FLT1: variants seen among roughly 807,000 people sequenced by gnomAD.
FLT1 encodes vascular endothelial growth factor receptor 1.
In FLT1, 49 loss-of-function variants were observed where a neutral mutation model predicts 156.3. That is an observed-to-expected ratio of 0.31 (90% CI 0.25 to 0.40). The LOEUF (loss-of-function observed/expected upper bound fraction) is 0.40. FLT1 is among the 10% of genes least tolerant of loss of function. FLT1 has a pLI of 1.00. For missense variants in FLT1, 1,322 were observed against 1,637.2 expected (o/e 0.81, Z 3.32); for synonymous variants, 594 against 583.8 (o/e 1.02, Z -0.25).
intron 10 of FLT1, among the ~76,000 whole-genome samples, chr13:28,413,115 TGGA>T (rs1361636547): frequency 1.3e-5 from 2 of 151,298 alleles, no homozygotes; most frequent in Non-Finnish European, 2.9e-5. Context: ...GAAGGGGGAG[TGGA>T]GAAGAGTTTC....
At chr13:28,339,793 G>A (rs1241445863) in intron 16 of FLT1, among the ~76,000 whole-genome samples, 1 of 152,110 alleles carries the variant, frequency 6.6e-6, no homozygotes, top group Non-Finnish European at 1.5e-5. Context: ...GGATCCCTGG[G>A]GCACTGAAAA....
intron 4 of FLT1, among the ~76,000 whole-genome samples, chr13:28,436,023 C>A (rs961868659): frequency 6.6e-6 from 1 of 152,238 alleles, no homozygotes; most frequent in Non-Finnish European, 1.5e-5. Context: ...TGACAGACGT[C>A]CTCAGTACAA....
At chr13:28,408,672 G>A (rs1280928259) in intron 10 of FLT1, among the ~76,000 whole-genome samples, 1 of 152,106 alleles carries the variant, frequency 6.6e-6, no homozygotes, top group Admixed American at 6.5e-5. Flanking sequence ...AGCAGCGTTC[G>A]CTCCTGATTT....
intron 13 of FLT1, chr13:28,387,437 G>A (rs1874427432): frequency 1.9e-6 from 2 of 1,057,176 alleles, no homozygotes; most frequent in Non-Finnish European, 2.3e-6. Flanking sequence ...CTTGATGGAA[G>A]TAGGTAGTGG....
Position 28,303,437 on chromosome 13 carries a change from T to C in FLT1, c.3816-69A>G. ...TTTAGAAAACAAAGACACTAAAATCTACTCTTTCTGAGTGGGTCATTTGTT... is the reference window on the plus strand; with the variant it reads ...TTTAGAAAACAAAGACACTAAAATCCACTCTTTCTGAGTGGGTCATTTGTT... On this transcript the variant is annotated intron_variant, in intron 29 of 29. Coordinates refer to ENST00000282397, the MANE Select transcript of FLT1 (RefSeq NM_002019.4). The C allele has an allele frequency of 2.9e-6, 4 of 1,359,352 alleles. No homozygotes were observed. In the South Asian group the frequency reaches 3.7e-5, roughly 12 times the overall value. The allele number at this position is 1,359,352 out of a possible 1,614,324, so 84.2% of individuals were successfully genotyped here.
At chr13:28,418,703 A>C (rs937243241) in intron 10 of FLT1, among the ~76,000 whole-genome samples, 11 of 152,138 alleles carry the variant, frequency 7.2e-5, no homozygotes, top group African/African-American at 2.7e-4. Context: ...AGCTGGAACC[A>C]TAGGCGCATG....
chr13:28,308,396 A>T (rs771917984), intron 28 of FLT1: 2 of 261,714 alleles, frequency 7.6e-6, no homozygotes, highest in Non-Finnish European at 7.5e-6. Context: ...GTAGGAACAC[A>T]GCTGTTCAAT....
chr13:28,494,911 G>A lies in FLT1; in HGVS notation c.-68C>T. The A allele has an allele frequency of 7.5e-7, 1 of 1,328,122 alleles. No individual in the cohort carries two copies. The highest frequency in any genetic ancestry group is 1.0e-6 in the Non-Finnish European group (1 of 983,272). 82.3% of individuals were successfully genotyped at this position (1,328,122 alleles called of 1,614,324 possible). A position where few individuals can be genotyped will look rare whatever the true frequency, so the allele number is the denominator to read the frequency against. ...CGCGGCCAACGACCCGGCCGCCAGA[G>A]TCCGTCCTCTCGTTCGCCGCCGCCG... On this transcript the variant is annotated 5_prime_UTR_variant, in exon 1 of 30. Coordinates refer to ENST00000282397, the MANE Select transcript of FLT1 (RefSeq NM_002019.4).
chr13:28,425,926 TAG>T (rs1877313771), intron 10 of FLT1, among the ~76,000 whole-genome samples: 1 of 152,170 alleles, frequency 6.6e-6, no homozygotes, highest in Non-Finnish European at 1.5e-5. Flanking sequence ...TTTCTATTCT[TAG>T]AAAATGACAG....
chr13:28,351,088 G>A (rs529992386), intron 15 of FLT1, among the ~76,000 whole-genome samples: 47 of 150,064 alleles, frequency 3.1e-4, no homozygotes, highest in Non-Finnish European at 1.5e-4. Context: ...CACATTGCAT[G>A]TATTATTTAA....
chr13:28,465,355 A>T (rs969023489), intron 3 of FLT1, among the ~76,000 whole-genome samples: 4 of 152,168 alleles, frequency 2.6e-5, no homozygotes, highest in Non-Finnish European at 4.4e-5. Flanking sequence ...CAAGCACAAA[A>T]TGTCAAAACA....
chr13:28,410,303 G>A (rs750920558), intron 10 of FLT1, among the ~76,000 whole-genome samples: 1 of 152,182 alleles, frequency 6.6e-6, no homozygotes, highest in Non-Finnish European at 1.5e-5. Context: ...CTGGGTGAGC[G>A]TTAGCTACTG....
intron 3 of FLT1, among the ~76,000 whole-genome samples, chr13:28,459,581 C>A (rs1043312767): frequency 1.6e-4 from 24 of 152,134 alleles, no homozygotes; most frequent in Non-Finnish European, 3.2e-4. Flanking sequence ...ATTAACCAAG[C>A]AATATTAGAT....
intron 13 of FLT1, chr13:28,388,754 A>G (rs1438082118): frequency 1.9e-6 from 2 of 1,059,396 alleles, no homozygotes; most frequent in Admixed American, 1.1e-4. Flanking sequence ...GAATGCATTA[A>G]ATCTCTGGTT....
chr13:28,416,877 G>C (rs1040920133), intron 10 of FLT1, among the ~76,000 whole-genome samples: 1 of 152,186 alleles, frequency 6.6e-6, no homozygotes, highest in Admixed American at 6.5e-5. Context: ...TTTCAATGAT[G>C]ATGACAAGGC....
At chr13:28,449,500 C>T (rs1266406290) in intron 3 of FLT1, among the ~76,000 whole-genome samples, 3 of 152,062 alleles carry the variant, frequency 2.0e-5, no homozygotes, top group Admixed American at 1.3e-4. Context: ...TAACAACTGT[C>T]GCCACTATTG....
chr13:28,308,065 C>A (rs1203546540), intron 28 of FLT1, among the ~76,000 whole-genome samples: 1 of 152,208 alleles, frequency 6.6e-6, no homozygotes, highest in Admixed American at 6.5e-5. Flanking sequence ...AGCCACTGCG[C>A]CCGGCCTCAC....
chr13:28,473,692 AG>A (rs1430072611), intron 1 of FLT1, among the ~76,000 whole-genome samples: 17 of 145,596 alleles, frequency 1.2e-4, no homozygotes, highest in South Asian at 2.2e-4. Flanking sequence ...AGAGAGAGAG[AG>A]AAAGAAAAGA....
At chr13:28,379,578 C>T (rs527890903) in intron 14 of FLT1, among the ~76,000 whole-genome samples, 110 of 152,286 alleles carry the variant, frequency 7.2e-4, no homozygotes, top group African/African-American at 2.5e-3. Context: ...GAGTTGGGCA[C>T]GCGCAGCAGA....
Sources: gnomAD v4.1 joint callset for allele counts (sites outside exome capture counted in the v4.1 genomes callset) on GRCh38, gnomAD v4.1.1 for gene constraint, MANE v1.5 for transcripts, NCBI Gene and HGNC (gene_info 2026-07-23, HGNC 2026-07-21) for gene names.